Variants in PTPRN2 observed in about 807,000 individuals in gnomAD.
PTPRN2 encodes the protein protein tyrosine phosphatase receptor type N2, also known as receptor-type tyrosine-protein phosphatase N2.
In PTPRN2, 74 loss-of-function variants were observed where a neutral mutation model predicts 118.8. The ratio of observed to expected loss-of-function variants is 0.62; its 90% CI spans 0.52 to 0.76. The LOEUF (loss-of-function observed/expected upper bound fraction) is 0.76. Ranked by LOEUF, PTPRN2 falls within the 30% of genes least tolerant of loss-of-function variation. The probability of loss-of-function intolerance (pLI) is 0.00; values close to 1 mark genes in which losing one functional copy is unlikely to be tolerated. For missense variants in PTPRN2, 1,481 were observed against 1,394.4 expected (o/e 1.06, Z -0.99); for synonymous variants, 641 against 608.0 (o/e 1.05, Z -0.80).
At chr7:157,669,423 G>GCA (rs1246083578) in intron 13 of PTPRN2, 31 of 408,358 alleles carry the variant, frequency 7.6e-5, no homozygotes, top group Admixed American at 1.1e-4. Context: ...GTGTTTGCAC[G>GCA]CGCACACACA....
intron 14 of PTPRN2, among the ~76,000 whole-genome samples, chr7:157,643,723 A>T (rs1016081790): frequency 6.6e-6 from 1 of 152,188 alleles, no homozygotes; most frequent in African/African-American, 2.4e-5. Context: ...CCCACAGTAA[A>T]GGAGGTGGGA....
At chr7:157,996,691 CT>C (rs1239509027) in intron 11 of PTPRN2, among the ~76,000 whole-genome samples, 1 of 152,058 alleles carries the variant, frequency 6.6e-6, no homozygotes, top group Non-Finnish European at 1.5e-5. Flanking sequence ...CTCTAGCTTT[CT>C]TCGTCTCTAG....
At chr7:158,128,810 G>A (rs1053182037) in intron 9 of PTPRN2, among the ~76,000 whole-genome samples, 5 of 152,090 alleles carry the variant, frequency 3.3e-5, no homozygotes, top group African/African-American at 1.2e-4. Context: ...GGCAGGGATG[G>A]GCGGCCGTCC....
intron 13 of PTPRN2, 77 bp from the exon 14 acceptor site, chr7:157,656,628 C>G (rs113834141): frequency 2.3e-6 from 3 of 1,325,402 alleles, no homozygotes; most frequent in African/African-American, 1.5e-5. Context: ...ACGGCACCCA[C>G]GTGGCACAAC....
intron 2 of PTPRN2, among the ~76,000 whole-genome samples, chr7:158,340,396 G>A (rs1262227075): frequency 1.4e-5 from 1 of 72,642 alleles, no homozygotes; most frequent in Non-Finnish European, 2.9e-5. Context: ...CACCATAAGA[G>A]CTGACACCCG....
At chr7:158,530,439 G>A (rs1022760958) in intron 1 of PTPRN2, among the ~76,000 whole-genome samples, 13 of 152,168 alleles carry the variant, frequency 8.5e-5, no homozygotes, top group African/African-American at 1.4e-4. Context: ...ATCCCACGCC[G>A]GCCTCCCCGT....
intron 12 of PTPRN2, among the ~76,000 whole-genome samples, chr7:157,815,951 G>A (rs935929767): frequency 3.9e-5 from 6 of 152,186 alleles, no homozygotes; most frequent in African/African-American, 1.4e-4. Context: ...CCCAGCACAC[G>A]CCCTCTCTGG....
At chr7:157,963,315 A>G (rs1021585583) in intron 11 of PTPRN2, among the ~76,000 whole-genome samples, 1 of 152,256 alleles carries the variant, frequency 6.6e-6, no homozygotes, top group African/African-American at 2.4e-5. Flanking sequence ...TGTTGCCTGG[A>G]AAAAATAAGG....
chr7:158,073,702 G>C (rs1038337791), intron 11 of PTPRN2, among the ~76,000 whole-genome samples: 1 of 152,136 alleles, frequency 6.6e-6, no homozygotes, highest in African/African-American at 2.4e-5. Flanking sequence ...TTCCTACTAA[G>C]GTATGAAGAC....
At chr7:157,946,369 T>A (rs1255125807) in intron 11 of PTPRN2, among the ~76,000 whole-genome samples, 3 of 152,246 alleles carry the variant, frequency 2.0e-5, no homozygotes, top group Non-Finnish European at 4.4e-5. Flanking sequence ...AAATACTGTT[T>A]ATGCACTGAA....
At chr7:157,978,244 G>A (rs1802895933) in intron 11 of PTPRN2, among the ~76,000 whole-genome samples, 1 of 151,992 alleles carries the variant, frequency 6.6e-6, no homozygotes, top group Non-Finnish European at 1.5e-5. Flanking sequence ...TGCCTGATCT[G>A]CTTCTCAAAC....
chr7:158,330,748 C>T (rs1452015002), intron 2 of PTPRN2, among the ~76,000 whole-genome samples: 3 of 116,518 alleles, frequency 2.6e-5, no homozygotes. Flanking sequence ...CTCACACCCA[C>T]ACTCTCACCA....
intron 2 of PTPRN2, among the ~76,000 whole-genome samples, chr7:158,459,802 G>C (rs2129442383): frequency 6.8e-6 from 1 of 147,254 alleles, no homozygotes; most frequent in Non-Finnish European, 1.5e-5. Flanking sequence ...CTCCTAGAGG[G>C]GCTGTGTACC....
In PTPRN2 at chr7:158,515,491, G is replaced by A. The variant is rs1022421818; in HGVS notation, c.113-25706C>T. On this transcript the variant is annotated intron_variant, in intron 1 of 22. Coordinates refer to ENST00000389418, the MANE Select transcript of PTPRN2 (RefSeq NM_002847.5). ...CGTGAGCCACCATGCCCAGCCGTGCGAATGTAATTTTTAAAATCCAGCATC... is the reference window on the plus strand; with the variant it reads ...CGTGAGCCACCATGCCCAGCCGTGCAAATGTAATTTTTAAAATCCAGCATC... Among the ~76,000 whole-genome samples, 6 of 152,088 alleles carry A rather than the reference G, an allele frequency of 3.9e-5. No homozygotes were observed. The South Asian group carries it at 8.3e-4, about 21-fold the overall frequency.
In PTPRN2 at chr7:158,136,672, C is replaced by G. The variant is rs1212685697; in HGVS notation, c.1156G>C (p.Asp386His). Residue 386 changes from aspartate (D) to histidine (H), a missense_variant, in exon 8 of 23, where the codon GAT (aspartate) becomes CAT (histidine). This residue lies in a region of PTPRN2 where 1,115 missense variants were observed against 994.2 expected (regional missense o/e 1.12). Transcript: ENST00000389418. ...FPDDGVQDDD[D>H]RLYQEVHRLS... ...CATCTTACCTCTTGGTAAAGTCTAT[C>G]ATCGTCGTCCTGCACTCCGTCATCT... The G allele has an allele frequency of 1.2e-6, 2 of 1,613,772 alleles. No individual in the cohort carries two copies. Among genetic ancestry groups the G allele is most frequent in the Non-Finnish European group, 1.7e-6 (2 of 1,179,812 alleles).
intron 1 of PTPRN2, among the ~76,000 whole-genome samples, chr7:158,584,222 G>A (rs562616328): frequency 6.6e-6 from 1 of 152,260 alleles, no homozygotes; most frequent in Non-Finnish European, 1.5e-5. Context: ...AAGGAAGGGG[G>A]GGCCTTTATA....
chr7:158,146,700 G>GACAGAGC (rs1045483562), intron 6 of PTPRN2, among the ~76,000 whole-genome samples: 4 of 141,910 alleles, frequency 2.8e-5, no homozygotes, highest in South Asian at 4.4e-4. Context: ...CAGCCTGGGC[G>GACAGAGC]ACAGAGCGAG....
At chr7:158,513,806 T>C (rs1823348374) in intron 1 of PTPRN2, among the ~76,000 whole-genome samples, 1 of 152,216 alleles carries the variant, frequency 6.6e-6, no homozygotes, top group Non-Finnish European at 1.5e-5. Flanking sequence ...GCAGCGGGAA[T>C]GTTTTGGCCT....
rs537646355 is a variant in PTPRN2, at chr7:157,963,052, G to A, written c.1724-64315C>T. ...CGCAAGGCAGCATGCAGAGAAGCAA[G>A]TCCACACGGCAGACACTCAGCCAGC... On this transcript the variant is annotated intron_variant, in intron 11 of 22. Coordinates refer to ENST00000389418, the MANE Select transcript of PTPRN2 (RefSeq NM_002847.5). 5.9e-5 allele frequency among the ~76,000 whole-genome samples: 9 copies of A among 152,346 alleles called. 1 individual carries two copies. The highest frequency in any genetic ancestry group is 5.9e-4 in the Admixed American group (9 of 15,306).
Sources: allele counts gnomAD v4.1 joint callset (sites outside exome capture counted in the v4.1 genomes callset), GRCh38; gene constraint gnomAD v4.1.1; regional missense constraint gnomAD v4.1.1; transcripts MANE v1.5; gene names NCBI Gene and HGNC (gene_info 2026-07-23, HGNC 2026-07-21).